The following CCDC141 variants were observed in gnomAD, a reference collection of about 807,000 sequenced individuals.
CCDC141 encodes coiled-coil domain-containing protein 141.
CCDC141 carries 168 observed loss-of-function variants against 181.0 expected under a neutral mutation model. That is an observed-to-expected ratio of 0.93 (90% CI 0.82 to 1.05). The LOEUF is 1.05. Ranked by LOEUF, CCDC141 falls within the 50% of genes least tolerant of loss-of-function variation. CCDC141 has a pLI of 0.00. For synonymous variants in CCDC141, 666 were observed against 642.3 expected (o/e 1.04, Z -0.56); for missense variants, 1,902 against 1,788.5 (o/e 1.06, Z -1.14).
rs552115875 is a variant in CCDC141 at position 178,880,248 on chromosome 2, A to T, written c.1720-2105T>A. Among the ~76,000 whole-genome samples the T allele has an allele frequency of 2.0e-5, 3 of 152,320 alleles. No homozygotes were observed. The East Asian group carries it at 5.8e-4, about 29-fold the overall frequency. On this transcript the variant is annotated intron_variant, in intron 11 of 23. Transcript: ENST00000443758. ...AATTCCCTTAACTCTGTACTAGTTG[A>T]TTTAGGTGAATTAATGATAAACTTT...
the CCDC141 span, among the ~76,000 whole-genome samples, chr2:178,823,990 C>T: frequency 6.6e-6 from 1 of 151,478 alleles, no homozygotes; most frequent in Non-Finnish European, 1.5e-5. Context: ...GTTTTTCTAA[C>T]CTGATCACAT....
chr2:178,906,641 G>A (rs1477596982), intron 7 of CCDC141, among the ~76,000 whole-genome samples: 2 of 152,148 alleles, frequency 1.3e-5, no homozygotes, highest in Non-Finnish European at 2.9e-5. Flanking sequence ...AGCCTCCCTG[G>A]GTTGCTGAGT....
At chr2:178,855,714 G>C (rs1180331994) in intron 18 of CCDC141, among the ~76,000 whole-genome samples, 173 bp from the exon 19 acceptor site, 3 of 152,160 alleles carry the variant, frequency 2.0e-5, no homozygotes, top group African/African-American at 7.2e-5. Context: ...AAATTCTATT[G>C]ATTTAGCATT....
intron 22 of CCDC141, among the ~76,000 whole-genome samples, chr2:178,842,690 T>C (rs2154366350): frequency 6.6e-6 from 1 of 152,328 alleles, no homozygotes; most frequent in African/African-American, 2.4e-5. Context: ...AGCCTTACTT[T>C]AGGGTAAATA....
intron 4 of CCDC141, among the ~76,000 whole-genome samples, chr2:178,973,039 A>C (rs966835766): frequency 6.6e-6 from 1 of 152,176 alleles, no homozygotes; most frequent in Non-Finnish European, 1.5e-5. Flanking sequence ...AACTTACTAG[A>C]ATGGCTAGCT....
chr2:178,934,980 T>C lies in CCDC141; in HGVS notation c.897+9555A>G, dbSNP rs2154376176. ...ATTTAAGGACACATAAAATTGAATT[T>C]CTTTTCCATGAACAAGAAATTAGAT... On this transcript the variant is annotated intron_variant, in intron 6 of 23. Transcript: ENST00000443758. Among the ~76,000 whole-genome samples the C allele has an allele frequency of 1.3e-5, 2 of 152,310 alleles. 1 individual carries two copies. The highest frequency in any genetic ancestry group is 4.1e-4 in the South Asian group (2 of 4,828).
rs75937840 is a variant in CCDC141 at position 178,840,776 on chromosome 2, G to A, written c.3475-3032C>T. On this transcript the variant is annotated intron_variant, in intron 22 of 23. Transcript: ENST00000443758. ...GACTCCTGTATCTTACTTTCAGCTGGTGCCAAACACATGAAAGGAATATAA... is the reference window on the plus strand; with the variant it reads ...GACTCCTGTATCTTACTTTCAGCTGATGCCAAACACATGAAAGGAATATAA... Among the ~76,000 whole-genome samples, 570 of 152,260 alleles carry A rather than the reference G, an allele frequency of 3.7e-3. 2 individuals are homozygous for A. The highest frequency in any genetic ancestry group is 0.013 in the African/African-American group (542 of 41,548).
intron 8 of CCDC141, among the ~76,000 whole-genome samples, chr2:178,896,095 G>A (rs1300952034): frequency 1.3e-5 from 2 of 152,162 alleles, no homozygotes; most frequent in African/African-American, 4.8e-5. Context: ...AATGAAAAGT[G>A]GAGCCATGAG....
At chr2:179,015,209 A>ATTATATATC (rs1553502829) in intron 2 of CCDC141, among the ~76,000 whole-genome samples, 7 of 126,226 alleles carry the variant, frequency 5.5e-5, no homozygotes, top group Admixed American at 1.7e-4. Flanking sequence ...TATCATATAT[A>ATTATATATC]TCATATATCT....
intron 1 of CCDC141, among the ~76,000 whole-genome samples, chr2:179,048,378 A>G (rs2043568552): frequency 6.6e-6 from 1 of 152,130 alleles, no homozygotes; most frequent in African/African-American, 2.4e-5. Context: ...AGGAGAGGGT[A>G]GTGGGGGAAC....
intron 17 of CCDC141, among the ~76,000 whole-genome samples, chr2:178,863,661 TGGGAAAGTCCA>T: frequency 6.6e-6 from 1 of 152,276 alleles, no homozygotes. Flanking sequence ...AGGCCTGTGG[TGGGAAAGTCCA>T]GGGTGTGCAC....
At chr2:178,975,493 A>G (rs1295377961) in intron 3 of CCDC141, among the ~76,000 whole-genome samples, 1 of 152,176 alleles carries the variant, frequency 6.6e-6, no homozygotes, top group Non-Finnish European at 1.5e-5. Context: ...TGTCCTATGT[A>G]TACAGTCACT....
chr2:179,049,682 G>A (rs1383634576), intron 1 of CCDC141, among the ~76,000 whole-genome samples, 158 bp downstream of exon 1: 1 of 151,254 alleles, frequency 6.6e-6, no homozygotes, highest in East Asian at 1.9e-4. Context: ...AACTTGTAGA[G>A]GTTTCTCTTA....
At chr2:178,865,962 A>C (rs754624811) in intron 16 of CCDC141, 46 bp from the exon 17 acceptor site, 2 of 1,357,040 alleles carry the variant, frequency 1.5e-6, no homozygotes, top group Non-Finnish European at 1.9e-6. Context: ...ACGAAACAGC[A>C]ATAAGACGAG....
At position 178,836,950 on chromosome 2, in the gene CCDC141, A is replaced by G; in HGVS notation, c.4269T>C (p.Gly1423=). ...RLLSNVTVME[G]SPVTLEVEVT... Reference sequence around the variant, plus strand: ...CTTCAACTTCCAAAGTCACTGGAGAACCTTCCATGACAGTTACATTAGACA... The same window carrying G: ...CTTCAACTTCCAAAGTCACTGGAGAGCCTTCCATGACAGTTACATTAGACA... Residue 1423 remains glycine (G), a synonymous_variant, in exon 23 of 24, where the codon GGT becomes GGC. Coordinates refer to ENST00000443758, the MANE Select transcript of CCDC141 (RefSeq NM_173648.4). 5.0e-6 allele frequency: 8 copies of G among 1,613,924 alleles called. No individual in the cohort carries two copies. The highest frequency in any genetic ancestry group is 6.8e-6 in the Non-Finnish European group (8 of 1,179,938).
intron 6 of CCDC141, among the ~76,000 whole-genome samples, chr2:178,921,637 G>A (rs1688694454): frequency 6.6e-6 from 1 of 152,062 alleles, no homozygotes. Context: ...AGGAAAGTGT[G>A]GTGTGGAATA....
rs1686817684 is a variant in CCDC141 at position 178,885,111 on chromosome 2, G to A, written c.1528-19C>T. 1 of 1,525,320 alleles carries A rather than the reference G, an allele frequency of 6.6e-7. No homozygotes were observed. The highest frequency in any genetic ancestry group is 8.9e-7 in the Non-Finnish European group (1 of 1,128,366). The allele number at this position is 1,525,320 out of a possible 1,614,324, so 94.5% of individuals were successfully genotyped here. A position where few individuals can be genotyped will look rare whatever the true frequency, so the allele number is the denominator to read the frequency against. ...ATGTCTCCTGTAAAAGCAAAGCACT[G>A]GAGGTCAGAAACTGACAGGGGAATC... On this transcript the variant is annotated intron_variant, in intron 10 of 23. Coordinates refer to ENST00000443758, the MANE Select transcript of CCDC141 (RefSeq NM_173648.4).
chr2:179,002,502 A>AT (rs1386187860), intron 2 of CCDC141: 1 of 414,164 alleles, frequency 2.4e-6, no homozygotes, highest in Non-Finnish European at 4.8e-6. Context: ...CTCTAAAAAA[A>AT]GATGATGTCC....
Position 178,905,316 on chromosome 2 carries a change from C to T in CCDC141, c.1265+13G>A. 1 of 1,530,998 alleles carries T rather than the reference C, an allele frequency of 6.5e-7. No individual in the cohort carries two copies. Among genetic ancestry groups the T allele is most frequent in the Non-Finnish European group, 8.8e-7 (1 of 1,138,878 alleles). 94.8% of individuals were successfully genotyped at this position (1,530,998 alleles called of 1,614,324 possible). A position where few individuals can be genotyped will look rare whatever the true frequency, so the allele number is the denominator to read the frequency against. ...AAGCTTGTTACACTGAGAAAGAAAT[C>T]AACTTTACTCACCTGCAGGAGTCTA... On this transcript the variant is annotated intron_variant, in intron 8 of 23. Coordinates refer to ENST00000443758, the MANE Select transcript of CCDC141 (RefSeq NM_173648.4).
Sources: gnomAD v4.1 joint callset for allele counts (sites outside exome capture counted in the v4.1 genomes callset) on GRCh38, gnomAD v4.1.1 for gene constraint, MANE v1.5 for transcripts, NCBI Gene and HGNC (gene_info 2026-07-23, HGNC 2026-07-21) for gene names.